MTSS1: variants seen among roughly 807,000 people sequenced by gnomAD.
MTSS1 encodes the protein MTSS I-BAR domain containing 1, also known as protein MTSS 1.
In MTSS1, 18 loss-of-function variants were observed where a neutral mutation model predicts 79.0. That is an observed-to-expected ratio of 0.23 (90% confidence interval 0.16 to 0.34). The LOEUF (loss-of-function observed/expected upper bound fraction) is 0.34. Ranked by LOEUF, MTSS1 falls within the 10% of genes least tolerant of loss-of-function variation. The pLI, the probability that MTSS1 is intolerant of heterozygous loss-of-function variation, is 1.00. For missense variants in MTSS1, 815 were observed against 986.2 expected (o/e 0.83, Z 2.33); for synonymous variants, 341 against 368.6 (o/e 0.93, Z 0.86).
chr8:124,593,038 C>T (rs532322784), intron 3 of MTSS1, among the ~76,000 whole-genome samples: 1 of 152,324 alleles, frequency 6.6e-6, no homozygotes, highest in South Asian at 2.1e-4. Flanking sequence ...TAAAACTGTA[C>T]CTGCCTCCAA....
intron 6 of MTSS1, among the ~76,000 whole-genome samples, chr8:124,569,621 A>G (rs1465594596): frequency 6.6e-6 from 1 of 152,226 alleles, no homozygotes; most frequent in African/African-American, 2.4e-5. Context: ...CACTCAAACC[A>G]GAGAGATACT....
At chr8:124,722,016 C>T (rs1833019354) in intron 1 of MTSS1, among the ~76,000 whole-genome samples, 1 of 152,208 alleles carries the variant, frequency 6.6e-6, no homozygotes, top group Non-Finnish European at 1.5e-5. Context: ...TGCCCACCTC[C>T]ATGCCCAGGA....
chr8:124,692,992 G>A (rs1828209896), intron 3 of MTSS1, among the ~76,000 whole-genome samples: 1 of 152,110 alleles, frequency 6.6e-6, no homozygotes, highest in Non-Finnish European at 1.5e-5. Flanking sequence ...TCTGACCCCA[G>A]CATGTCCCCC....
chr8:124,578,323 G>T (rs1246832678), intron 6 of MTSS1, among the ~76,000 whole-genome samples: 1 of 152,110 alleles, frequency 6.6e-6, no homozygotes, highest in Non-Finnish European at 1.5e-5. Flanking sequence ...TGTTGCTGAT[G>T]CTCCTTTCTA....
chr8:124,718,010 C>G (rs1055212512), intron 1 of MTSS1, among the ~76,000 whole-genome samples: 3 of 152,176 alleles, frequency 2.0e-5, no homozygotes, highest in Non-Finnish European at 4.4e-5. Flanking sequence ...ACTACACACA[C>G]GGAAAGGCAA....
At chr8:124,558,612 A>G in intron 10 of MTSS1, 1 of 1,404,436 alleles carries the variant, frequency 7.1e-7, no homozygotes, top group Non-Finnish European at 9.3e-7. Flanking sequence ...CTTGGTGTCG[A>G]TTCTGAGCTT....
intron 10 of MTSS1, 146 bp from the exon 11 acceptor site, chr8:124,558,021 C>A: frequency 1.5e-6 from 1 of 651,564 alleles, no homozygotes; most frequent in Non-Finnish European, 2.6e-6. Flanking sequence ...CTGCTGCTCA[C>A]GGATGATCTG....
intron 3 of MTSS1, among the ~76,000 whole-genome samples, chr8:124,615,359 C>G (rs1836647839): frequency 6.6e-6 from 1 of 152,008 alleles, no homozygotes; most frequent in African/African-American, 2.4e-5. Context: ...AACAGATAAA[C>G]ATATACATAC....
intron 3 of MTSS1, among the ~76,000 whole-genome samples, chr8:124,621,618 C>T (rs960851607): frequency 6.6e-6 from 1 of 152,210 alleles, no homozygotes; most frequent in African/African-American, 2.4e-5. Context: ...CATCTCGGCT[C>T]ACTGCAACCT....
chr8:124,604,804 A>ATCTCCCACTTCTCAGTC (rs1834512818), intron 3 of MTSS1, among the ~76,000 whole-genome samples: 3 of 151,950 alleles, frequency 2.0e-5, no homozygotes. Context: ...CTTCCAGCCA[A>ATCTCCCACTTCTCAGTC]TCTCCCACTT....
At chr8:124,639,143 C>G (rs1817566332) in intron 3 of MTSS1, among the ~76,000 whole-genome samples, 2 of 152,142 alleles carry the variant, frequency 1.3e-5, no homozygotes, top group African/African-American at 4.8e-5. Context: ...TCCAGACCAG[C>G]CTGGCCAACA....
chr8:124,581,997 G>A (rs1830131213), intron 6 of MTSS1, among the ~76,000 whole-genome samples: 1 of 152,052 alleles, frequency 6.6e-6, no homozygotes, highest in Admixed American at 6.5e-5. Context: ...TGGGGTTACT[G>A]GGTCCGCTCC....
chr8:124,568,696 T>C (rs1273818214), intron 6 of MTSS1, 160 bp from the exon 7 acceptor site: 3 of 1,481,112 alleles, frequency 2.0e-6, no homozygotes, highest in Non-Finnish European at 1.8e-6. Flanking sequence ...CAGCTGTTTT[T>C]CTAGGACCAG....
At chr8:124,593,389 C>A (rs1384601581) in intron 3 of MTSS1, among the ~76,000 whole-genome samples, 1 of 152,106 alleles carries the variant, frequency 6.6e-6, no homozygotes, top group Non-Finnish European at 1.5e-5. Flanking sequence ...TTTCTTTGAC[C>A]CAGCAATTCT....
chr8:124,591,183 T>C lies in MTSS1; in HGVS notation c.261A>G (p.Arg87=). The C allele has an allele frequency of 1.2e-6, 2 of 1,614,252 alleles. No individual in the cohort carries two copies. Among genetic ancestry groups the C allele is most frequent in the Non-Finnish European group, 1.7e-6 (2 of 1,180,038 alleles). ...SALTRMCMRH[R]SIEAKLRQFS... is the part of the protein sequence containing the mutation. ...ACTGCCTCAGCTTGGCTTCAATGCT[T>C]CTGTGCCTCATGCACATCCTGGTGA... Residue 87 remains arginine (R), a synonymous_variant, in exon 4 of 14, where the codon AGA becomes AGG. Transcript: ENST00000518547.
Position 124,562,938 on chromosome 8 carries a change from A to G in MTSS1, c.879T>C (p.His293=). The G allele has an allele frequency of 6.2e-7, 1 of 1,613,502 alleles. No homozygotes were observed. Among genetic ancestry groups the G allele is most frequent in the Non-Finnish European group, 8.5e-7 (1 of 1,179,746 alleles). Reference sequence around the variant, plus strand: ...GGTAGCGGTAATGTGAGCTGGGGGAATGCGAGTGGGAGCCGCTGGACCGGG... The same window carrying G: ...GGTAGCGGTAATGTGAGCTGGGGGAGTGCGAGTGGGAGCCGCTGGACCGGG... ...SDSRSSGSHS[H]SPSSHYRYRS... Residue 293 remains histidine (H), a synonymous_variant, in exon 10 of 14, where the codon CAT becomes CAC. Coordinates refer to ENST00000518547, the MANE Select transcript of MTSS1 (RefSeq NM_014751.6).
chr8:124,570,458 C>T (rs930032554), intron 6 of MTSS1, among the ~76,000 whole-genome samples: 12 of 152,156 alleles, frequency 7.9e-5, no homozygotes, highest in East Asian at 5.8e-4. Context: ...AGACTACATT[C>T]GCATGACTTT....
At chr8:124,721,709 A>G (rs1252179100) in intron 1 of MTSS1, among the ~76,000 whole-genome samples, 1 of 143,308 alleles carries the variant, frequency 7.0e-6, no homozygotes, top group African/African-American at 2.6e-5. Flanking sequence ...AAAGGCTTTG[A>G]GGGAAGACTT....
chr8:124,722,884 C>T (rs566412969), intron 1 of MTSS1, among the ~76,000 whole-genome samples: 3 of 152,218 alleles, frequency 2.0e-5, no homozygotes, highest in East Asian at 1.9e-4. Flanking sequence ...ATACCCAATT[C>T]GAACATCTAA....
Sources: allele counts gnomAD v4.1 joint callset (sites outside exome capture counted in the v4.1 genomes callset), GRCh38; gene constraint gnomAD v4.1.1; transcripts MANE v1.5; gene names NCBI Gene and HGNC (gene_info 2026-07-23, HGNC 2026-07-21).